Variants in PARD3B observed in about 807,000 individuals in gnomAD.
The protein encoded by PARD3B is par-3 family cell polarity regulator beta, also known as partitioning defective 3 homolog B.
In PARD3B, 103 loss-of-function variants were observed where a neutral mutation model predicts 130.2. The ratio of observed to expected loss-of-function variants is 0.79; its 90% confidence interval spans 0.67 to 0.93. The LOEUF (loss-of-function observed/expected upper bound fraction) is 0.93, where lower values mean the gene tolerates loss of function less well. Ranked by LOEUF, PARD3B falls within the 40% of genes least tolerant of loss-of-function variation. PARD3B has a pLI of 0.00. For synonymous variants in PARD3B, 583 were observed against 553.2 expected, an observed-to-expected ratio of 1.05 and a Z score of -0.76; for missense variants, 1,609 against 1,499.2, an observed-to-expected ratio of 1.07 and a Z score of -1.21.
At chr2:205,215,564 A>G (rs879294195) in intron 15 of PARD3B, among the ~76,000 whole-genome samples, 15 of 152,276 alleles carry the variant, frequency 9.9e-5, no homozygotes, top group African/African-American at 3.1e-4. Flanking sequence ...TTTGGGACAT[A>G]AATATGAAAT....
intron 6 of PARD3B, among the ~76,000 whole-genome samples, chr2:205,115,111 C>T (rs1703933936): frequency 6.6e-6 from 1 of 152,134 alleles, no homozygotes; most frequent in Non-Finnish European, 1.5e-5. Flanking sequence ...TACAGTGTGA[C>T]AGTCACTAGA....
At chr2:205,368,858 AAC>A (rs1173088500) in intron 18 of PARD3B, among the ~76,000 whole-genome samples, 20 of 78,506 alleles carry the variant, frequency 2.5e-4, no homozygotes, top group African/African-American at 6.8e-4. Flanking sequence ...AGCTTGGGAA[AAC>A]AAAAAAAAAA....
At chr2:204,883,416 T>TAATATATATATATAA (rs1559226237) in intron 2 of PARD3B, among the ~76,000 whole-genome samples, 111 of 114,668 alleles carry the variant, frequency 9.7e-4, no homozygotes, top group African/African-American at 3.5e-3. Context: ...TATATATATA[T>TAATATATATATATAA]AATATATATA....
intron 2 of PARD3B, among the ~76,000 whole-genome samples, chr2:204,775,795 T>C (rs1272548033): frequency 6.6e-6 from 1 of 151,894 alleles, no homozygotes; most frequent in Non-Finnish European, 1.5e-5. Flanking sequence ...GTGTAGACTC[T>C]GTTAGCTCCC....
At chr2:205,422,923 A>G (rs567038767) in intron 19 of PARD3B, among the ~76,000 whole-genome samples, 2 of 152,224 alleles carry the variant, frequency 1.3e-5, no homozygotes, top group South Asian at 4.1e-4. Context: ...TATCCTAACA[A>G]ATGAAACATC....
rs560928971 is a variant in PARD3B at position 205,490,861 on chromosome 2, C to A, written c.3045-9035C>A. Among the ~76,000 whole-genome samples, 18 of 152,296 alleles carry A rather than the reference C, an allele frequency of 1.2e-4. No homozygotes were observed. In the East Asian group the frequency reaches 3.1e-3, roughly 26 times the overall value. On this transcript the variant is annotated intron_variant, in intron 20 of 22. Coordinates refer to ENST00000406610, the MANE Select transcript of PARD3B (RefSeq NM_001302769.2). ...TTTTGATTTGCATTTCTCTGATGGC[C>A]AGTGATGATGACCATTTTTTCATGT...
chr2:204,662,780 C>A (rs1430948823), intron 1 of PARD3B, among the ~76,000 whole-genome samples: 1 of 152,114 alleles, frequency 6.6e-6, no homozygotes, highest in Non-Finnish European at 1.5e-5. Flanking sequence ...ATTATTCATG[C>A]TAAGACACCA....
At position 204,855,551 on chromosome 2, in the gene PARD3B, A is replaced by AT. The variant is rs1365442074; in HGVS notation, c.223-109601_223-109600insT. ...GCAAGACTCCCTCTAAAAGAAAAAA[A>AT]AATATATATATATATATATATAAGG... On this transcript the variant is annotated intron_variant, in intron 2 of 22. Transcript: ENST00000406610. Among the ~76,000 whole-genome samples, 587 of 135,716 alleles carry AT rather than the reference A, an allele frequency of 4.3e-3. 2 individuals are homozygous for AT. Among genetic ancestry groups the AT allele is most frequent in the Middle Eastern group, 7.3e-3 (2 of 274 alleles). The allele number at this position is 135,716 out of a possible 152,430, so 89.0% of individuals were successfully genotyped here.
intron 10 of PARD3B, among the ~76,000 whole-genome samples, chr2:205,156,267 TGGGCG>T (rs1257848039): frequency 4.9e-3 from 6 of 1,226 alleles, no homozygotes; most frequent in Non-Finnish European, 2.8e-3. Context: ...TGTTGTGGGG[TGGGCG>T]GGGGGGGGAG....
chr2:204,911,648 C>A (rs1303556139), intron 2 of PARD3B, among the ~76,000 whole-genome samples: 1 of 152,136 alleles, frequency 6.6e-6, no homozygotes, highest in Admixed American at 6.5e-5. Flanking sequence ...CGTTTCCATC[C>A]TTGGTACTTG....
intron 4 of PARD3B, among the ~76,000 whole-genome samples, chr2:205,075,094 C>G (rs551568122): frequency 8.7e-4 from 132 of 152,080 alleles, no homozygotes; most frequent in African/African-American, 3.0e-3. Context: ...TAAAGAGAAC[C>G]ATATAGGATG....
chr2:205,560,972 T>C (rs935402466), intron 22 of PARD3B, among the ~76,000 whole-genome samples: 1 of 152,188 alleles, frequency 6.6e-6, no homozygotes, highest in Non-Finnish European at 1.5e-5. Context: ...ACTTTAATGT[T>C]TCAGTTGGTT....
At chr2:204,658,371 C>A (rs1173283718) in intron 1 of PARD3B, among the ~76,000 whole-genome samples, 1 of 152,000 alleles carries the variant, frequency 6.6e-6, no homozygotes, top group Non-Finnish European at 1.5e-5. Context: ...TTATTGGATT[C>A]TTCAGCTTAA....
chr2:205,017,558 C>G (rs568934285), intron 3 of PARD3B, among the ~76,000 whole-genome samples: 1 of 152,248 alleles, frequency 6.6e-6, no homozygotes, highest in East Asian at 1.9e-4. Flanking sequence ...TTTTCTACTT[C>G]TGAGAACATC....
intron 4 of PARD3B, among the ~76,000 whole-genome samples, chr2:205,087,093 A>G (rs1701785009): frequency 6.6e-6 from 1 of 152,140 alleles, no homozygotes; most frequent in South Asian, 2.1e-4. Context: ...TTATTTTTTC[A>G]TATTTTTTAA....
chr2:204,942,143 G>C (rs772390856), intron 2 of PARD3B, among the ~76,000 whole-genome samples: 1 of 152,142 alleles, frequency 6.6e-6, no homozygotes, highest in East Asian at 1.9e-4. Context: ...TTAGGATATA[G>C]TAATCAAAGC....
intron 16 of PARD3B, among the ~76,000 whole-genome samples, chr2:205,259,664 G>C: frequency 6.6e-6 from 1 of 151,940 alleles, no homozygotes; most frequent in South Asian, 2.1e-4. Context: ...TCTCCTCTTT[G>C]TGGAATTCTT....
chr2:205,376,321 G>A lies in PARD3B; in HGVS notation c.2631-24692G>A, dbSNP rs531226302. Reference sequence around the variant, plus strand: ...GTAATGGGTCGGAGGATACTTAGGAGTTGAGGAAACAGTGAAAACAAGTGT... The same window carrying A: ...GTAATGGGTCGGAGGATACTTAGGAATTGAGGAAACAGTGAAAACAAGTGT... On this transcript the variant is annotated intron_variant, in intron 18 of 22. Transcript: ENST00000406610. Among the ~76,000 whole-genome samples, 5 of 152,154 alleles carry A rather than the reference G, an allele frequency of 3.3e-5. No individual in the cohort carries two copies. In the East Asian group the frequency reaches 7.7e-4, roughly 24 times the overall value.
chr2:205,336,137 A>G (rs1205112400), intron 18 of PARD3B, among the ~76,000 whole-genome samples: 5 of 152,182 alleles, frequency 3.3e-5, no homozygotes, highest in Non-Finnish European at 7.3e-5. Context: ...TACAGGTGTG[A>G]GCCACCGCAT....
Sources: allele counts gnomAD v4.1 joint callset (sites outside exome capture counted in the v4.1 genomes callset), GRCh38; gene constraint gnomAD v4.1.1; transcripts MANE v1.5; gene names NCBI Gene and HGNC (gene_info 2026-07-23, HGNC 2026-07-21).